Variants in SLC36A1 observed in about 807,000 individuals in gnomAD.
SLC36A1 encodes solute carrier family 36 member 1, also known as proton-coupled amino acid transporter 1.
A neutral mutation model predicts 47.5 loss-of-function variants in SLC36A1; 30 were observed. The observed-to-expected ratio is 0.63, with a 90% CI of 0.47 to 0.86. The LOEUF (loss-of-function observed/expected upper bound fraction) is 0.86. Among genes scored for constraint, SLC36A1 ranks in the 40% least tolerant of loss-of-function variants. SLC36A1 has a pLI of 0.00. For synonymous variants in SLC36A1, 255 were observed against 249.7 expected (o/e 1.02, Z -0.20); for missense variants, 517 against 606.0 (o/e 0.85, Z 1.54).
At chr5:151,410,169 C>G in the SLC36A1 span, among the ~76,000 whole-genome samples, 1 of 152,176 alleles carries the variant, frequency 6.6e-6, no homozygotes, top group African/African-American at 2.4e-5. Context: ...AGTTACCAGG[C>G]TCCTGTCTGA....
the SLC36A1 span, chr5:151,551,451 A>G: frequency 6.2e-7 from 1 of 1,613,166 alleles, no homozygotes; most frequent in Admixed American, 1.7e-5. Context: ...AGGGGTCCCC[A>G]GCCGAGGCCT....
At chr5:151,531,782 C>T in the SLC36A1 span, 3 of 1,612,718 alleles carry the variant, frequency 1.9e-6, no homozygotes, top group Admixed American at 5.0e-5. This position sits in a 1 kb window ranked among gnomAD's most constrained non-coding sequence, Gnocchi z 5.7. Flanking sequence ...ACCACCGAGA[C>T]TGTGACGGTG....
chr5:151,484,821 G>A (rs769068352), intron 10 of SLC36A1, among the ~76,000 whole-genome samples: 3 of 152,174 alleles, frequency 2.0e-5, no homozygotes, highest in Non-Finnish European at 4.4e-5. Context: ...GTAGAGCTGA[G>A]GTTGGAGCCT....
chr5:151,353,559 CACTG>C, the SLC36A1 span, among the ~76,000 whole-genome samples: 2 of 152,116 alleles, frequency 1.3e-5, no homozygotes, highest in East Asian at 3.9e-4. Flanking sequence ...AGTGAACCTA[CACTG>C]ACACACCATT....
the SLC36A1 span, chr5:151,507,447 G>A: frequency 6.2e-7 from 1 of 1,614,172 alleles, no homozygotes; most frequent in Non-Finnish European, 8.5e-7. Flanking sequence ...AGGCTTGTGA[G>A]ACTTGCAACG....
the SLC36A1 span, among the ~76,000 whole-genome samples, chr5:151,418,586 C>A: frequency 6.6e-6 from 1 of 152,190 alleles, no homozygotes; most frequent in Non-Finnish European, 1.5e-5. Flanking sequence ...TGGCCAATTT[C>A]TCCCATTTGG....
the SLC36A1 span, chr5:151,525,870 C>G: frequency 6.2e-7 from 1 of 1,614,102 alleles, no homozygotes; most frequent in East Asian, 2.2e-5. Flanking sequence ...CGTTGTTCCC[C>G]TTGGTGATTC....
the SLC36A1 span, among the ~76,000 whole-genome samples, chr5:151,522,487 T>C: frequency 6.6e-6 from 1 of 152,234 alleles, no homozygotes; most frequent in Admixed American, 6.5e-5. Flanking sequence ...TGCACCCTGC[T>C]CAGCCTACGA....
At chr5:151,530,804 A>T in the SLC36A1 span, among the ~76,000 whole-genome samples, 1 of 152,240 alleles carries the variant, frequency 6.6e-6, no homozygotes, top group Non-Finnish European at 1.5e-5. Flanking sequence ...GCCAAAGGGT[A>T]AAGAGGAAAC....
chr5:151,441,013 G>T (rs6879238), intron 1 of SLC36A1, among the ~76,000 whole-genome samples: 3 of 151,922 alleles, frequency 2.0e-5, no homozygotes, highest in African/African-American at 7.3e-5. Flanking sequence ...AGATTGCTGT[G>T]CCCCCACAAC....
At chr5:151,531,817 G>A in the SLC36A1 span, 2 of 1,613,646 alleles carry the variant, frequency 1.2e-6, no homozygotes, top group Non-Finnish European at 1.7e-6. This position sits in a 1 kb window ranked among gnomAD's most constrained non-coding sequence, Gnocchi z 5.7. Flanking sequence ...CGGTATTGGG[G>A]TGCCCAGGTC....
the SLC36A1 span, among the ~76,000 whole-genome samples, chr5:151,353,704 G>C: frequency 6.6e-6 from 1 of 152,118 alleles, no homozygotes; most frequent in Admixed American, 6.5e-5. Context: ...AAAATCATCT[G>C]TGCTCTACCT....
At chr5:151,433,869 AT>A (rs1251860232), upstream of SLC36A1, among the ~76,000 whole-genome samples, 3 of 131,816 alleles carry the variant, frequency 2.3e-5, no homozygotes, top group East Asian at 6.6e-4. Context: ...CCCCCACCCT[AT>A]TCCTTCCCTA....
the SLC36A1 span, among the ~76,000 whole-genome samples, chr5:151,385,750 A>C: frequency 6.6e-6 from 1 of 152,176 alleles, no homozygotes; most frequent in African/African-American, 2.4e-5. Flanking sequence ...ACAAAAACCA[A>C]ACCAAACAAA....
At chr5:151,412,968 T>C in the SLC36A1 span, among the ~76,000 whole-genome samples, 24 of 144,450 alleles carry the variant, frequency 1.7e-4, 2 homozygotes, top group Admixed American at 1.2e-3. Flanking sequence ...CCTACTCTTA[T>C]AGCACCAGTC....
chr5:151,415,891 A>G, the SLC36A1 span, among the ~76,000 whole-genome samples: 1 of 152,134 alleles, frequency 6.6e-6, no homozygotes, highest in African/African-American at 2.4e-5. Context: ...GGATCACCTG[A>G]GGTCAGGAGT....
chr5:151,457,336 A>G (rs1224159089), intron 1 of SLC36A1, among the ~76,000 whole-genome samples: 1 of 152,044 alleles, frequency 6.6e-6, no homozygotes. Flanking sequence ...CTCATTTAGC[A>G]ATGGTCTCTA....
At chr5:151,347,207 T>C in the SLC36A1 span, 1 of 1,497,620 alleles carries the variant, frequency 6.7e-7, no homozygotes, top group South Asian at 1.1e-5. Flanking sequence ...CACAGTGGGT[T>C]GAGGGTCAGA....
the SLC36A1 span, among the ~76,000 whole-genome samples, chr5:151,362,328 C>T: frequency 6.7e-6 from 1 of 149,692 alleles, no homozygotes; most frequent in Non-Finnish European, 1.5e-5. Flanking sequence ...GATCCTTCTT[C>T]TATTATTTCC....
Sources: gnomAD v4.1 joint callset for allele counts (sites outside exome capture counted in the v4.1 genomes callset) on GRCh38, gnomAD v4.1.1 for gene constraint, Gnocchi (gnomAD v3.1) non-coding constraint, MANE v1.5 for transcripts, NCBI Gene and HGNC (gene_info 2026-07-23, HGNC 2026-07-21) for gene names.